GIGYF2: variants seen among roughly 807,000 people sequenced by gnomAD.
GIGYF2 encodes GRB10-interacting GYF protein 2.
Under a neutral mutation model 208.1 loss-of-function variants are expected in GIGYF2, and 25 were observed. The ratio of observed to expected loss-of-function variants is 0.12; its 90% CI spans 0.09 to 0.17. The LOEUF (loss-of-function observed/expected upper bound fraction) is 0.17, where lower values mean the gene tolerates loss of function less well. Among genes scored for constraint, GIGYF2 ranks in the 10% least tolerant of loss-of-function variants. GIGYF2 has a pLI of 1.00. For synonymous variants in GIGYF2, 534 were observed against 543.8 expected (o/e 0.98, Z 0.25); for missense variants, 1,302 against 1,579.4 (o/e 0.82, Z 2.98).
chr2:232,797,284 A>T (rs10933410), intron 14 of GIGYF2, among the ~76,000 whole-genome samples: 1 of 152,004 alleles, frequency 6.6e-6, no homozygotes, highest in African/African-American at 2.4e-5. Flanking sequence ...TTACCCTGAA[A>T]TTGGTTGGTC....
At chr2:232,739,540 G>A (rs183945293) in intron 3 of GIGYF2, among the ~76,000 whole-genome samples, 5 of 151,752 alleles carry the variant, frequency 3.3e-5, no homozygotes, top group Admixed American at 1.3e-4. Context: ...TTAGCTGGGC[G>A]TGGTGGTGCA....
rs752474252 is a variant in GIGYF2, at chr2:232,771,337, A to G, written c.532+9901A>G. The G allele has an allele frequency of 6.2e-6, 10 of 1,612,938 alleles. No homozygotes were observed. Among genetic ancestry groups the G allele is most frequent in the East Asian group, 2.2e-5 (1 of 44,880 alleles). Reference sequence around the variant, plus strand: ...GTATCTTTGACTTAGGAGAGGAGCAATAACTTTGCAATTACTGCTGTCCAT... The same window carrying G: ...GTATCTTTGACTTAGGAGAGGAGCAGTAACTTTGCAATTACTGCTGTCCAT... On this transcript the variant is annotated intron_variant, in intron 8 of 28. Coordinates refer to ENST00000373563, the MANE Select transcript of GIGYF2 (RefSeq NM_001103146.3).
At chr2:232,851,655 G>A (rs887636208) in intron 28 of GIGYF2, among the ~76,000 whole-genome samples, 1 of 152,192 alleles carries the variant, frequency 6.6e-6, no homozygotes, top group African/African-American at 2.4e-5. Context: ...CCTGACTTCA[G>A]GTGATCTTCT....
chr2:232,746,156 A>G (rs915175444), intron 3 of GIGYF2, among the ~76,000 whole-genome samples: 150 of 145,268 alleles, frequency 1.0e-3, no homozygotes, highest in African/African-American at 4.0e-3. Context: ...ATGAAAATAC[A>G]AAAAATTTTC....
chr2:232,823,163 T>C (rs1199702818), intron 21 of GIGYF2, among the ~76,000 whole-genome samples: 2 of 152,074 alleles, frequency 1.3e-5, no homozygotes, highest in Non-Finnish European at 2.9e-5. Context: ...AACTGAGTTA[T>C]TAATAACTGA....
chr2:232,834,540 C>G lies in GIGYF2; in HGVS notation c.2766+1447C>G, dbSNP rs114604133. ...GTTTGTGGATCTCCTTGTGTTTAAT[C>G]TACTCAGAATTCATGGTGCTTCCTG... On this transcript the variant is annotated intron_variant, in intron 22 of 28. Coordinates refer to ENST00000373563, the MANE Select transcript of GIGYF2 (RefSeq NM_001103146.3). Among the ~76,000 whole-genome samples, 263 of 152,256 alleles carry G rather than the reference C, an allele frequency of 1.7e-3. 1 individual carries two copies. Among genetic ancestry groups the G allele is most frequent in the South Asian group, 8.5e-3 (41 of 4,810 alleles).
At chr2:232,848,527 G>A (rs13009957) in intron 27 of GIGYF2, among the ~76,000 whole-genome samples, 42,414 of 152,016 alleles carry the variant, frequency 0.28, 6,670 homozygotes, top group Non-Finnish European at 0.36. Flanking sequence ...CCAGCTACTC[G>A]GGAGGCTGAG....
At chr2:232,757,780 C>A (rs1698607290) in intron 6 of GIGYF2, among the ~76,000 whole-genome samples, 1 of 149,448 alleles carries the variant, frequency 6.7e-6, no homozygotes, top group Non-Finnish European at 1.5e-5. Context: ...CCCCCCGCCC[C>A]CCGCCATTAC....
intron 8 of GIGYF2, among the ~76,000 whole-genome samples, chr2:232,786,659 A>G (rs1413523869): frequency 1.3e-5 from 2 of 152,258 alleles, no homozygotes; most frequent in Non-Finnish European, 2.9e-5. Flanking sequence ...AAAATATCTT[A>G]TAACTTTAAA....
chr2:232,732,634 T>A (rs1455358950), intron 2 of GIGYF2, among the ~76,000 whole-genome samples: 1 of 150,226 alleles, frequency 6.7e-6, no homozygotes, highest in African/African-American at 2.5e-5. Flanking sequence ...TATTTTAATT[T>A]TTTTAATTTT....
rs1485225220 is a variant in GIGYF2, at chr2:232,733,607, A to G, written c.-43-1548A>G. Among the ~76,000 whole-genome samples the G allele has an allele frequency of 2.6e-5, 4 of 152,286 alleles. No homozygotes were observed. The East Asian group carries it at 7.7e-4, about 29-fold the overall frequency. On this transcript the variant is annotated intron_variant, in intron 2 of 28. Transcript: ENST00000373563. ...GTGCCGTGTGTGATGTATCTTAGAG[A>G]TATTTTACAGTATACAGTTGTCCCT... is the stretch of plus-strand genomic sequence containing the variant.
chr2:232,788,557 GAA>G (rs1699984975), intron 9 of GIGYF2: 1 of 470,866 alleles, frequency 2.1e-6, no homozygotes, highest in African/African-American at 2.0e-5. Context: ...GGCTGAGAGA[GAA>G]AAGAAATTCC....
At chr2:232,750,405 G>A (rs1007835059) in intron 5 of GIGYF2, among the ~76,000 whole-genome samples, 3 of 152,146 alleles carry the variant, frequency 2.0e-5, no homozygotes, top group African/African-American at 7.2e-5. Context: ...CATGCCAGCT[G>A]CTCCCTTTCC....
chr2:232,812,319 A>G, intron 17 of GIGYF2, 72 bp from the exon 18 acceptor site: 5 of 734,330 alleles, frequency 6.8e-6, no homozygotes, highest in Non-Finnish European at 1.2e-5. Flanking sequence ...TAATCTAGAA[A>G]TTCCTCTTCA....
intron 2 of GIGYF2, among the ~76,000 whole-genome samples, chr2:232,714,988 T>C (rs981395873): frequency 1.3e-5 from 2 of 152,190 alleles, no homozygotes; most frequent in East Asian, 3.8e-4. Flanking sequence ...TGTGTGTCCA[T>C]GTGTTCTTAT....
At chr2:232,799,921 T>G (rs913130461) in intron 14 of GIGYF2, among the ~76,000 whole-genome samples, 1 of 152,132 alleles carries the variant, frequency 6.6e-6, no homozygotes, top group Non-Finnish European at 1.5e-5. Flanking sequence ...TTTGTATACC[T>G]TCTTTGGTGA....
chr2:232,772,836 T>C (rs1574863939), intron 8 of GIGYF2, among the ~76,000 whole-genome samples: 1 of 152,228 alleles, frequency 6.6e-6, no homozygotes, highest in South Asian at 2.1e-4. Flanking sequence ...TACAGACTTG[T>C]GGAGCTAGGT....
At chr2:232,809,926 C>T (rs919927974) in intron 16 of GIGYF2, 115 bp downstream of exon 16, 15 of 731,500 alleles carry the variant, frequency 2.1e-5, no homozygotes, top group Admixed American at 3.8e-5. Flanking sequence ...TATGGCACTT[C>T]AGTCACCCAG....
chr2:232,749,118 T>A (rs770600253), intron 5 of GIGYF2, 36 bp downstream of exon 5: 1 of 1,003,116 alleles, frequency 1.0e-6, no homozygotes, highest in South Asian at 1.3e-5. Context: ...CAAACTCTTA[T>A]TCTTTTCCTG....
Sources: gnomAD v4.1 joint callset for allele counts (sites outside exome capture counted in the v4.1 genomes callset) on GRCh38, gnomAD v4.1.1 for gene constraint, MANE v1.5 for transcripts, NCBI Gene and HGNC (gene_info 2026-07-23, HGNC 2026-07-21) for gene names.